The following BTBD9 variants were observed in gnomAD, a reference collection of about 807,000 sequenced individuals.
BTBD9 encodes the protein BTB/POZ domain-containing protein 9.
In BTBD9, 49 loss-of-function variants were observed where a neutral mutation model predicts 64.3. The ratio of observed to expected loss-of-function variants is 0.76; its 90% CI spans 0.61 to 0.97. BTBD9 has a LOEUF of 0.97. Among genes scored for constraint, BTBD9 ranks in the 50% least tolerant of loss-of-function variants. The pLI is 0.00. For synonymous variants in BTBD9, 260 were observed against 274.7 expected (o/e 0.95, Z 0.53); for missense variants, 598 against 762.1 (o/e 0.78, Z 2.53).
At chr6:38,543,717 G>A (rs1774394828) in intron 6 of BTBD9, among the ~76,000 whole-genome samples, 1 of 152,102 alleles carries the variant, frequency 6.6e-6, no homozygotes, top group African/African-American at 2.4e-5. Flanking sequence ...TAGCACTTTG[G>A]GAGGCCGAGA....
chr6:38,614,312 G>A (rs552762603), intron 1 of BTBD9, among the ~76,000 whole-genome samples: 2 of 152,174 alleles, frequency 1.3e-5, no homozygotes, highest in East Asian at 3.9e-4. Context: ...GACCTGTCTT[G>A]TTGGTTAGTA....
At chr6:38,449,473 C>G (rs893672593) in intron 6 of BTBD9, among the ~76,000 whole-genome samples, 1 of 151,966 alleles carries the variant, frequency 6.6e-6, no homozygotes, top group African/African-American at 2.4e-5. Context: ...CACACATTTA[C>G]AGCCAACAAA....
chr6:38,279,822 G>T (rs1289411305), intron 8 of BTBD9, among the ~76,000 whole-genome samples: 1 of 152,108 alleles, frequency 6.6e-6, no homozygotes, highest in African/African-American at 2.4e-5. Flanking sequence ...TGAAAAAATG[G>T]GTCAGATGGG....
chr6:38,277,450 T>C (rs4711529), intron 8 of BTBD9, among the ~76,000 whole-genome samples: 107,083 of 151,830 alleles, frequency 0.71, 38,451 homozygotes, highest in African/African-American at 0.83. Context: ...TCTCTTGCCT[T>C]GGCCTCCTGA....
chr6:38,332,512 T>G (rs1763718854), intron 7 of BTBD9, among the ~76,000 whole-genome samples: 1 of 152,246 alleles, frequency 6.6e-6, no homozygotes, highest in Non-Finnish European at 1.5e-5. Flanking sequence ...ATCTACCAGT[T>G]TGTTCTTGCA....
chr6:38,175,757 GC>G (rs555149306), intron 10 of BTBD9, among the ~76,000 whole-genome samples: 332 of 152,326 alleles, frequency 2.2e-3, no homozygotes, highest in African/African-American at 7.0e-3. Context: ...GTGTGAGCGT[GC>G]CCTGCAATGG....
chr6:38,512,132 C>T (rs892889325), intron 6 of BTBD9, among the ~76,000 whole-genome samples: 1 of 152,158 alleles, frequency 6.6e-6, no homozygotes, highest in Non-Finnish European at 1.5e-5. Context: ...CACCATCACG[C>T]CTGGCTAATT....
chr6:38,436,780 C>T (rs1768763560), intron 6 of BTBD9, among the ~76,000 whole-genome samples: 1 of 152,212 alleles, frequency 6.6e-6, no homozygotes, highest in South Asian at 2.1e-4. Context: ...GCGCTCCCAA[C>T]TCCCTGGCTT....
intron 6 of BTBD9, among the ~76,000 whole-genome samples, chr6:38,346,129 T>C (rs1392727950): frequency 1.3e-5 from 2 of 152,218 alleles, no homozygotes; most frequent in African/African-American, 4.8e-5. Context: ...GACAAGGTTT[T>C]AGTAATCTCC....
At chr6:38,380,314 G>A (rs895299717) in intron 6 of BTBD9, among the ~76,000 whole-genome samples, 16 of 152,134 alleles carry the variant, frequency 1.1e-4, no homozygotes, top group African/African-American at 3.9e-4. Context: ...ACTTCAGGAA[G>A]AAGAAAAATG....
chr6:38,193,937 G>A lies in BTBD9; in HGVS notation c.1563-1340C>T, dbSNP rs1055510451. 2.8e-5 allele frequency: 27 copies of A among 957,658 alleles called. No individual in the cohort carries two copies. In the African/African-American group the frequency reaches 4.6e-4, roughly 16 times the overall value. 59.3% of individuals were successfully genotyped at this position (957,658 alleles called of 1,614,324 possible). Reference sequence around the variant, plus strand: ...GTCATTAAAAAGTCATTACCATCTTGTGTGTAAAGTCTGTGCCCCTGAAAC... The same window carrying A: ...GTCATTAAAAAGTCATTACCATCTTATGTGTAAAGTCTGTGCCCCTGAAAC... On this transcript the variant is annotated intron_variant, in intron 9 of 10. Coordinates refer to ENST00000481247, the MANE Select transcript of BTBD9 (RefSeq NM_001099272.2).
At chr6:38,374,073 C>T (rs1179641600) in intron 6 of BTBD9, among the ~76,000 whole-genome samples, 5 of 150,778 alleles carry the variant, frequency 3.3e-5, no homozygotes, top group African/African-American at 7.3e-5. Flanking sequence ...GAGTTCAAGA[C>T]CAGCCTGGCC....
chr6:38,196,377 C>G (rs897645787), intron 9 of BTBD9, among the ~76,000 whole-genome samples: 10 of 152,136 alleles, frequency 6.6e-5, no homozygotes, highest in African/African-American at 2.4e-4. Context: ...ATATTAAATA[C>G]TACAAAAATT....
At chr6:38,185,546 T>C (rs185952617) in intron 10 of BTBD9, among the ~76,000 whole-genome samples, 1 of 152,260 alleles carries the variant, frequency 6.6e-6, no homozygotes, top group East Asian at 1.9e-4. Context: ...ACTGGGTTGA[T>C]CTCGTACAAA....
chr6:38,541,442 T>C (rs973413932), intron 6 of BTBD9, among the ~76,000 whole-genome samples: 1 of 152,166 alleles, frequency 6.6e-6, no homozygotes, highest in Non-Finnish European at 1.5e-5. Flanking sequence ...AGGTCAATTA[T>C]AAAATTTTCA....
rs397888418 is a variant in BTBD9, at chr6:38,557,015, C to CAA, written c.1154+20583_1154+20584dup. On this transcript the variant is annotated intron_variant, in intron 6 of 10. Coordinates refer to ENST00000481247, the MANE Select transcript of BTBD9 (RefSeq NM_001099272.2). The stretch of plus-strand genomic sequence containing the variant: ...GGAACAGAGCGAGACTCCATCTCAC[C>CAA]AAAAAAAAAAAAAAAAAAAAAAAAA... 5.8e-3 allele frequency among the ~76,000 whole-genome samples: 89 copies of CAA among 15,408 alleles called. 21 individuals are homozygous for CAA. Among genetic ancestry groups the CAA allele is most frequent in the African/African-American group, 6.8e-3 (28 of 4,096 alleles). The allele number at this position is 15,408 out of a possible 152,430, so 10.1% of individuals were successfully genotyped here. A position where few individuals can be genotyped will look rare whatever the true frequency, so the allele number is the denominator to read the frequency against.
chr6:38,356,163 AT>A (rs1323421982), intron 6 of BTBD9, among the ~76,000 whole-genome samples: 2 of 151,892 alleles, frequency 1.3e-5, no homozygotes, highest in African/African-American at 4.8e-5. Flanking sequence ...ATATTCTGAA[AT>A]TTCATGACAA....
chr6:38,471,366 A>T (rs374229498), intron 6 of BTBD9, among the ~76,000 whole-genome samples: 1 of 152,212 alleles, frequency 6.6e-6, no homozygotes, highest in Non-Finnish European at 1.5e-5. Context: ...AGGTCAGTGC[A>T]CAGTTTGCCT....
At position 38,542,558 on chromosome 6, in the gene BTBD9, G is replaced by A. The variant is rs78919986; in HGVS notation, c.1154+35042C>T. Among the ~76,000 whole-genome samples the A allele has an allele frequency of 5.5e-3, 835 of 152,070 alleles. 3 individuals carry two copies. The highest frequency in any genetic ancestry group is 0.018 in the African/African-American group (763 of 41,476). On this transcript the variant is annotated intron_variant, in intron 6 of 10. Transcript: ENST00000481247. ...GCCACCCATGAGATCCTATCTGACC[G>A]GTAAGGCTGTTCCATCTGGCCCATA... is the stretch of plus-strand genomic sequence containing the variant.
Sources: allele counts gnomAD v4.1 joint callset (sites outside exome capture counted in the v4.1 genomes callset), GRCh38; gene constraint gnomAD v4.1.1; transcripts MANE v1.5; gene names NCBI Gene and HGNC (gene_info 2026-07-23, HGNC 2026-07-21).